The following ZNF536 variants were observed in gnomAD, a reference collection of about 807,000 sequenced individuals.
ZNF536 encodes zinc finger protein 536.
In ZNF536, 13 loss-of-function variants were observed where a neutral mutation model predicts 84.5. That is an observed-to-expected ratio of 0.15 (90% CI 0.10 to 0.24). The LOEUF (loss-of-function observed/expected upper bound fraction) is 0.24, where lower values mean the gene tolerates loss of function less well. ZNF536 is among the 10% of genes least tolerant of loss of function. ZNF536 has a pLI of 1.00. For missense variants in ZNF536, 1,536 were observed against 1,747.5 expected (o/e 0.88, Z 2.16); for synonymous variants, 811 against 742.5 (o/e 1.09, Z -1.50).
At position 30,444,679 on chromosome 19, in the gene ZNF536, C is replaced by T. The variant is rs2052229574; in HGVS notation, c.1117C>T (p.His373Tyr). The change falls in exon 2 of 5, where the codon CAC becomes TAC. Residue 373 changes from histidine (H) to tyrosine (Y), a missense_variant. Coordinates refer to ENST00000355537, the MANE Select transcript of ZNF536 (RefSeq NM_014717.3). ...HMRKHKDSFE[H>Y]CCQICGRRFK... ...GCGCAAGCACAAAGACTCCTTTGAG[C>T]ACTGCTGCCAGATCTGCGGCCGGCG... is the stretch of plus-strand genomic sequence containing the variant. 6.2e-7 allele frequency: 1 copy of T among 1,613,982 alleles called. No individual in the cohort carries two copies. Among genetic ancestry groups the T allele is most frequent in the Non-Finnish European group, 8.5e-7 (1 of 1,180,048 alleles).
chr19:30,308,785 T>C (rs1237199150), intron 2 of ZNF536, among the ~76,000 whole-genome samples: 2 of 152,188 alleles, frequency 1.3e-5, no homozygotes, highest in Non-Finnish European at 2.9e-5. Flanking sequence ...CAGCAGTCTG[T>C]GTTTTGTGCG....
At chr19:30,359,464 G>A (rs1013765407) in intron 3 of ZNF536, among the ~76,000 whole-genome samples, 17 of 152,346 alleles carry the variant, frequency 1.1e-4, no homozygotes, top group South Asian at 6.2e-4. Context: ...GCCAGCGACC[G>A]TTCCTGACTG....
At chr19:30,420,757 T>C (rs1003812668) in intron 1 of ZNF536, among the ~76,000 whole-genome samples, 2 of 152,194 alleles carry the variant, frequency 1.3e-5, no homozygotes, top group African/African-American at 4.8e-5. Flanking sequence ...TTCACTGATA[T>C]TTGAAATATT....
chr19:30,630,944 A>G (rs2048865462), intron 1 of ZNF536, among the ~76,000 whole-genome samples: 2 of 152,242 alleles, frequency 1.3e-5, no homozygotes, highest in South Asian at 4.1e-4. Context: ...ATCCTAAAAA[A>G]TTCAGTGGAC....
chr19:30,493,957 G>A (rs2054613223), intron 2 of ZNF536, among the ~76,000 whole-genome samples: 1 of 152,068 alleles, frequency 6.6e-6, no homozygotes, highest in African/African-American at 2.4e-5. Context: ...ACAGATACAA[G>A]GCAGCAGGGT....
intron 2 of ZNF536, among the ~76,000 whole-genome samples, chr19:30,485,352 T>C (rs1568477308): frequency 1.3e-5 from 2 of 152,096 alleles, no homozygotes; most frequent in Non-Finnish European, 2.9e-5. Flanking sequence ...AATTCAATGG[T>C]TTTTAGTCTA....
At chr19:30,400,952 G>C (rs2050022064) in intron 1 of ZNF536, among the ~76,000 whole-genome samples, 1 of 152,096 alleles carries the variant, frequency 6.6e-6, no homozygotes, top group Admixed American at 6.5e-5. Flanking sequence ...AGGTTCCTAT[G>C]ATTTTTTTCC....
In ZNF536 at chr19:30,249,355, G is replaced by GAGGGGGAGGGGGACA. The variant is rs2024472569; in HGVS notation, c.-190+20686_-190+20700dup. On this transcript the variant is annotated intron_variant, in intron 1 of 5. Coordinates refer to the ZNF536 transcript ENST00000585628. ...AAAGAAGGAGAAGGAGGAGAAGGAG[G>GAGGGGGAGGGGGACA]AGGGGGAGGGGGACAAGGAGGAGGG... Among the ~76,000 whole-genome samples, 5 of 149,508 alleles carry GAGGGGGAGGGGGACA rather than the reference G, an allele frequency of 3.3e-5. No individual in the cohort carries two copies. The South Asian group carries it at 8.8e-4, about 26-fold the overall frequency.
chr19:30,486,286 G>A (rs1383355730), intron 2 of ZNF536, among the ~76,000 whole-genome samples: 1 of 152,146 alleles, frequency 6.6e-6, no homozygotes, highest in Non-Finnish European at 1.5e-5. Context: ...AGTGTGTGTT[G>A]TTCCCCTCCC....
chr19:30,355,119 T>C (rs2048050679), intron 3 of ZNF536, among the ~76,000 whole-genome samples: 3 of 152,178 alleles, frequency 2.0e-5, no homozygotes, highest in African/African-American at 7.2e-5. Context: ...TGGCTCATGG[T>C]TCTTCCGGCT....
intron 1 of ZNF536, among the ~76,000 whole-genome samples, chr19:30,664,009 C>T (rs189882118): frequency 9.7e-4 from 148 of 152,246 alleles, no homozygotes; most frequent in Non-Finnish European, 1.6e-3. Flanking sequence ...CTTCTTTAAT[C>T]TGTGATAAAA....
At chr19:30,647,557 G>A (rs553076431) in intron 1 of ZNF536, among the ~76,000 whole-genome samples, 1 of 152,256 alleles carries the variant, frequency 6.6e-6, no homozygotes, top group Admixed American at 6.5e-5. Context: ...TCTGTTGCTG[G>A]CATCTGCTTT....
At chr19:30,430,177 G>T (rs1270255680) in intron 1 of ZNF536, among the ~76,000 whole-genome samples, 2 of 152,200 alleles carry the variant, frequency 1.3e-5, no homozygotes, top group Non-Finnish European at 2.9e-5. Context: ...GGGCAGGGCT[G>T]GTCATGTTGT....
chr19:30,529,568 C>T (rs564371716), intron 2 of ZNF536, among the ~76,000 whole-genome samples: 6 of 152,250 alleles, frequency 3.9e-5, no homozygotes, highest in African/African-American at 1.2e-4. Flanking sequence ...TCACCTTGAT[C>T]GAGGCCAACC....
chr19:30,685,855 C>T (rs1290903419), intron 1 of ZNF536, among the ~76,000 whole-genome samples: 1 of 152,188 alleles, frequency 6.6e-6, no homozygotes, highest in Non-Finnish European at 1.5e-5. Flanking sequence ...GTTACTCTGC[C>T]TCCTGGAACG....
At chr19:30,525,736 T>C (rs1359812229) in intron 2 of ZNF536, among the ~76,000 whole-genome samples, 1 of 152,066 alleles carries the variant, frequency 6.6e-6, no homozygotes, top group Non-Finnish European at 1.5e-5. Context: ...GAAAGAGAAT[T>C]CCAGGAGGAG....
intron 2 of ZNF536, among the ~76,000 whole-genome samples, chr19:30,329,792 G>A (rs1366776038): frequency 2.0e-5 from 3 of 152,092 alleles, no homozygotes; most frequent in Non-Finnish European, 4.4e-5. Context: ...ACTCTGACAG[G>A]ATAGTTTGCT....
chr19:30,618,071 G>T (rs1320828155), intron 1 of ZNF536, among the ~76,000 whole-genome samples: 1 of 152,186 alleles, frequency 6.6e-6, no homozygotes, highest in African/African-American at 2.4e-5. Flanking sequence ...TTAAGTACTT[G>T]ATTAGCGATG....
chr19:30,488,068 C>CT (rs1216501685), intron 2 of ZNF536, among the ~76,000 whole-genome samples: 2 of 152,194 alleles, frequency 1.3e-5, no homozygotes, highest in African/African-American at 4.8e-5. Context: ...TCCCAGGTTT[C>CT]TAGGTGGTAC....
Sources: gnomAD v4.1 joint callset for allele counts (sites outside exome capture counted in the v4.1 genomes callset) on GRCh38, gnomAD v4.1.1 for gene constraint, MANE v1.5 for transcripts, NCBI Gene and HGNC (gene_info 2026-07-23, HGNC 2026-07-21) for gene names.